Variants in PRR11 observed in about 807,000 individuals in gnomAD.
PRR11 encodes proline-rich protein 11.
PRR11 carries 30 observed loss-of-function variants against 45.6 expected under a neutral mutation model. The ratio of observed to expected loss-of-function variants is 0.66; its 90% CI spans 0.49 to 0.89. The LOEUF (loss-of-function observed/expected upper bound fraction) is 0.89. PRR11 is among the 40% of genes least tolerant of loss of function. The pLI, the probability that PRR11 is intolerant of heterozygous loss-of-function variation, is 0.00. For missense variants in PRR11, 373 were observed against 424.8 expected (o/e 0.88, Z 1.07); for synonymous variants, 128 against 153.5 (o/e 0.83, Z 1.23).
chr17:59,178,580 G>A (rs1167868688), intron 2 of PRR11: 32 of 524,280 alleles, frequency 6.1e-5, no homozygotes, highest in South Asian at 2.8e-4. Flanking sequence ...CAGGGTTTCC[G>A]TGGGAGCAGC....
intron 4 of PRR11, among the ~76,000 whole-genome samples, chr17:59,190,689 C>G (rs2046836752): frequency 6.6e-6 from 1 of 152,192 alleles, no homozygotes; most frequent in Admixed American, 6.6e-5. Context: ...CTGGCTCTGT[C>G]TCATCTTTCA....
chr17:59,163,250 A>G (rs758291601), intron 1 of PRR11, among the ~76,000 whole-genome samples: 2 of 151,340 alleles, frequency 1.3e-5, no homozygotes, highest in Admixed American at 6.6e-5. Context: ...GCCTGGCTAA[A>G]TTTTGTATTT....
At chr17:59,171,262 CAAA>C (rs1009849108) in intron 2 of PRR11, among the ~76,000 whole-genome samples, 2 of 123,504 alleles carry the variant, frequency 1.6e-5, no homozygotes. Flanking sequence ...GACTCCGTCT[CAAA>C]AAAAAAAAAA....
intron 7 of PRR11, among the ~76,000 whole-genome samples, chr17:59,196,991 G>A (rs971567065): frequency 1.3e-5 from 2 of 151,734 alleles, no homozygotes; most frequent in Non-Finnish European, 2.9e-5. Flanking sequence ...TGGGATTACA[G>A]GCACCCGCCA....
In PRR11 at chr17:59,179,925, C is replaced by T. The variant is rs527481389; in HGVS notation, c.129-5129C>T. 31 of 1,297,958 alleles carry T rather than the reference C, an allele frequency of 2.4e-5. No homozygotes were observed. In the African/African-American group the frequency reaches 4.5e-4, roughly 19 times the overall value. The allele number at this position is 1,297,958 out of a possible 1,614,324, so 80.4% of individuals were successfully genotyped here. Reference sequence around the variant, plus strand: ...ACTGTATAATGCTTCTGCAATTGAACTCCTTAGAGCCAGACCCAAAACGCC... The same window carrying T: ...ACTGTATAATGCTTCTGCAATTGAATTCCTTAGAGCCAGACCCAAAACGCC... On this transcript the variant is annotated intron_variant, in intron 2 of 9. Transcript: ENST00000262293.
At chr17:59,198,721 C>T (rs1053718575) in intron 9 of PRR11, among the ~76,000 whole-genome samples, 9 of 151,600 alleles carry the variant, frequency 5.9e-5, no homozygotes, top group African/African-American at 1.7e-4. Flanking sequence ...CCTGTAATCC[C>T]GGCTACTTGG....
Position 59,169,860 on chromosome 17 carries a change from T to A in PRR11, c.108T>A (p.Pro36=). 2 of 1,606,700 alleles carry A rather than the reference T, an allele frequency of 1.2e-6. No homozygotes were observed. Residue 36 remains proline, a synonymous_variant, in exon 2 of 10, where the codon CCT becomes CCA. Transcript: ENST00000262293. ...AGTCCAAGCTAATTACACCTCCTCC[T>A]CCACCACCCTCACCAGAAAGGTAAG... ...HFQSKLITPP[P]PPPSPERVGI...
chr17:59,171,123 C>T (rs1231471383), intron 2 of PRR11, among the ~76,000 whole-genome samples: 14 of 152,056 alleles, frequency 9.2e-5, no homozygotes, highest in Admixed American at 2.6e-4. Flanking sequence ...ATTAGCCGGG[C>T]GCGGTGGCAG....
chr17:59,183,067 G>A (rs1272210550), intron 2 of PRR11, among the ~76,000 whole-genome samples: 1 of 152,132 alleles, frequency 6.6e-6, no homozygotes, highest in East Asian at 1.9e-4. Context: ...AGGAAGGTTG[G>A]AATCTCTGAT....
chr17:59,161,688 G>A (rs1351050692), intron 1 of PRR11, among the ~76,000 whole-genome samples: 1 of 152,166 alleles, frequency 6.6e-6, no homozygotes, highest in Non-Finnish European at 1.5e-5. Flanking sequence ...GGTCAAAGCT[G>A]CAGAGAGCTG....
chr17:59,170,649 C>T (rs974778381), intron 2 of PRR11, among the ~76,000 whole-genome samples: 7 of 152,198 alleles, frequency 4.6e-5, no homozygotes, highest in African/African-American at 1.4e-4. Context: ...AAACTCCTGG[C>T]CTCAAGTGAT....
intron 4 of PRR11, among the ~76,000 whole-genome samples, chr17:59,188,240 A>G (rs931877943): frequency 6.6e-6 from 1 of 152,218 alleles, no homozygotes; most frequent in Non-Finnish European, 1.5e-5. Context: ...AACTTCAATG[A>G]GTAATGCCTT....
intron 2 of PRR11, among the ~76,000 whole-genome samples, chr17:59,174,463 C>T (rs2046731066): frequency 6.6e-6 from 1 of 152,152 alleles, no homozygotes; most frequent in Admixed American, 6.5e-5. Context: ...CATAATGAAC[C>T]TCCCCGAACT....
intron 7 of PRR11, 35 bp downstream of exon 7, chr17:59,195,478 C>T: frequency 4.5e-6 from 6 of 1,334,396 alleles, no homozygotes; most frequent in Non-Finnish European, 6.4e-6. Flanking sequence ...TCTACTACTA[C>T]TTAAAAGAAT....
intron 4 of PRR11, among the ~76,000 whole-genome samples, chr17:59,186,118 TTTTG>T (rs892169021): frequency 1.3e-5 from 2 of 152,012 alleles, no homozygotes; most frequent in South Asian, 2.1e-4. Flanking sequence ...GTGGGAAGAT[TTTTG>T]TTTGTTTGTT....
At chr17:59,186,241 A>G (rs939408376) in intron 4 of PRR11, among the ~76,000 whole-genome samples, 27 of 150,374 alleles carry the variant, frequency 1.8e-4, no homozygotes, top group African/African-American at 6.4e-4. Flanking sequence ...CTGGGACTAC[A>G]GGCTTGCACT....
chr17:59,190,088 T>C (rs1373468461), intron 4 of PRR11, among the ~76,000 whole-genome samples: 1 of 152,220 alleles, frequency 6.6e-6, no homozygotes, highest in Non-Finnish European at 1.5e-5. Flanking sequence ...GTACACACTC[T>C]ACCTTTCATG....
chr17:59,179,644 C>A, intron 2 of PRR11: 1 of 1,508,788 alleles, frequency 6.6e-7, no homozygotes, highest in Non-Finnish European at 9.0e-7. Flanking sequence ...GGGGTGTCCT[C>A]CTACCAAGCA....
chr17:59,193,474 T>C lies in PRR11; in HGVS notation c.403-18T>C. The C allele has an allele frequency of 1.2e-6, 2 of 1,613,434 alleles. No individual in the cohort carries two copies. Among genetic ancestry groups the C allele is most frequent in the Non-Finnish European group, 1.7e-6 (2 of 1,179,356 alleles). ...ATTAACTTGTTATTTATTTGCCAAA[T>C]GTGATGTCTTCTTCCAGACCATCTC... is the stretch of plus-strand genomic sequence containing the variant. On this transcript the variant is annotated intron_variant, in intron 4 of 9. Coordinates refer to ENST00000262293, the MANE Select transcript of PRR11 (RefSeq NM_018304.4).
Sources: allele counts gnomAD v4.1 joint callset (sites outside exome capture counted in the v4.1 genomes callset), GRCh38; gene constraint gnomAD v4.1.1; transcripts MANE v1.5; gene names NCBI Gene and HGNC (gene_info 2026-07-23, HGNC 2026-07-21).